DCC: variants seen among roughly 807,000 people sequenced by gnomAD.
DCC encodes the protein DCC netrin 1 receptor.
A neutral mutation model predicts 172.5 loss-of-function variants in DCC; 58 were observed. The observed-to-expected ratio is 0.34, with a 90% CI of 0.27 to 0.42. DCC has a LOEUF of 0.42. Ranked by LOEUF, DCC falls within the 10% of genes least tolerant of loss-of-function variation. DCC has a pLI of 1.00. For missense variants in DCC, 1,740 were observed against 1,791.0 expected, an observed-to-expected ratio of 0.97 and a Z score of 0.51; for synonymous variants, 709 against 644.5, an observed-to-expected ratio of 1.10 and a Z score of -1.52.
chr18:53,194,326 C>T (rs2055411444), intron 9 of DCC, among the ~76,000 whole-genome samples: 1 of 152,042 alleles, frequency 6.6e-6, no homozygotes, highest in South Asian at 2.1e-4. Context: ...ACAAATGAAA[C>T]TCGATGTGGA....
In DCC at chr18:53,127,843, A is replaced by G. The variant is rs138043659; in HGVS notation, c.1262-29513A>G. Among the ~76,000 whole-genome samples, 559 of 152,288 alleles carry G rather than the reference A, an allele frequency of 3.7e-3. 4 individuals are homozygous for G. The highest frequency in any genetic ancestry group is 0.013 in the African/African-American group (540 of 41,576). On this transcript the variant is annotated intron_variant, in intron 7 of 28. Coordinates refer to ENST00000442544, the MANE Select transcript of DCC (RefSeq NM_005215.4). ...TCCCTATAAATCCAAACAGTGTGCC[A>G]TTCAACTGGAACACCAAACTATTCA...
At chr18:52,785,255 G>A (rs28587032) in intron 2 of DCC, among the ~76,000 whole-genome samples, 1 of 152,024 alleles carries the variant, frequency 6.6e-6, no homozygotes, top group Non-Finnish European at 1.5e-5. Context: ...TTTAACATGT[G>A]TAGTCCCTAG....
chr18:52,357,719 G>C (rs1184274410), intron 1 of DCC, among the ~76,000 whole-genome samples: 1 of 152,048 alleles, frequency 6.6e-6, no homozygotes, highest in African/African-American at 2.4e-5. Flanking sequence ...GCCGGATCAT[G>C]AGGTCAGGAG....
At chr18:53,404,837 T>G (rs1909560996) in intron 19 of DCC, among the ~76,000 whole-genome samples, 1 of 152,110 alleles carries the variant, frequency 6.6e-6, no homozygotes, top group Non-Finnish European at 1.5e-5. Context: ...AGAAACTTTG[T>G]CCACACTCTT....
intron 9 of DCC, among the ~76,000 whole-genome samples, chr18:53,203,990 C>T (rs545646378): frequency 1.3e-5 from 2 of 152,242 alleles, no homozygotes; most frequent in East Asian, 1.9e-4. Context: ...GTATCTGAAC[C>T]TGACCTGACC....
intron 5 of DCC, among the ~76,000 whole-genome samples, chr18:52,946,032 T>G (rs1598957914): frequency 6.6e-6 from 1 of 152,176 alleles, no homozygotes; most frequent in Non-Finnish European, 1.5e-5. Context: ...TCCCCTGCCT[T>G]CCTTTGTATT....
chr18:53,240,085 A>G (rs1171364132), intron 12 of DCC, among the ~76,000 whole-genome samples: 1 of 151,250 alleles, frequency 6.6e-6, no homozygotes, highest in Non-Finnish European at 1.5e-5. Context: ...TGTAATATGC[A>G]ATCAAAAGCA....
chr18:52,813,277 A>G (rs1340483147), intron 2 of DCC, among the ~76,000 whole-genome samples: 2 of 120,992 alleles, frequency 1.7e-5, no homozygotes, highest in African/African-American at 6.6e-5. Context: ...ACATTTTTGT[A>G]AAGAATTTGC....
chr18:52,377,825 G>A (rs1321301078), intron 1 of DCC, among the ~76,000 whole-genome samples: 4 of 151,264 alleles, frequency 2.6e-5, no homozygotes, highest in Non-Finnish European at 4.4e-5. Context: ...TCATACCTCA[G>A]CCACCTGAGT....
intron 11 of DCC, among the ~76,000 whole-genome samples, chr18:53,215,149 T>G (rs970036174): frequency 6.6e-6 from 1 of 152,178 alleles, no homozygotes; most frequent in East Asian, 1.9e-4. Context: ...AATTTTATCA[T>G]AAAATTATGC....
intron 1 of DCC, among the ~76,000 whole-genome samples, chr18:52,348,354 A>G (rs1379830577): frequency 1.3e-5 from 2 of 152,168 alleles, no homozygotes; most frequent in Non-Finnish European, 2.9e-5. Flanking sequence ...GGAATTGCTG[A>G]GTCATAGAAG....
At chr18:52,892,729 T>C (rs577135956) in intron 2 of DCC, among the ~76,000 whole-genome samples, 5 of 152,298 alleles carry the variant, frequency 3.3e-5, no homozygotes, top group African/African-American at 9.6e-5. Context: ...AAACAAGTTT[T>C]GATTTTTTCA....
At chr18:53,382,007 G>T (rs961479395) in intron 15 of DCC, among the ~76,000 whole-genome samples, 4 of 149,958 alleles carry the variant, frequency 2.7e-5, no homozygotes, top group Non-Finnish European at 5.9e-5. Flanking sequence ...TGACCTAGTG[G>T]CTCTCATACA....
At chr18:52,813,960 T>TAC (rs1381140445) in intron 2 of DCC, among the ~76,000 whole-genome samples, 1 of 152,220 alleles carries the variant, frequency 6.6e-6, no homozygotes, top group African/African-American at 2.4e-5. Flanking sequence ...GGACTGAAAC[T>TAC]ACACATAGGC....
At chr18:52,969,420 T>G (rs992918468) in intron 5 of DCC, among the ~76,000 whole-genome samples, 1 of 152,072 alleles carries the variant, frequency 6.6e-6, no homozygotes, top group Admixed American at 6.6e-5. Context: ...CTCAGTGTCA[T>G]TCTTTCCCCT....
chr18:53,226,485 G>A (rs1048587071), intron 12 of DCC, among the ~76,000 whole-genome samples: 2 of 152,080 alleles, frequency 1.3e-5, no homozygotes, highest in Admixed American at 6.6e-5. Flanking sequence ...GCACATCAGC[G>A]GGACAGCAGG....
intron 7 of DCC, among the ~76,000 whole-genome samples, chr18:53,152,432 CATT>C (rs1367622727): frequency 1.3e-5 from 2 of 152,098 alleles, no homozygotes; most frequent in Non-Finnish European, 2.9e-5. Context: ...CCAATAGCAT[CATT>C]GTTACCAAGG....
At chr18:53,343,697 C>G (rs1022666587) in intron 15 of DCC, among the ~76,000 whole-genome samples, 8 of 151,750 alleles carry the variant, frequency 5.3e-5, no homozygotes, top group African/African-American at 1.9e-4. Flanking sequence ...GTATTTACTC[C>G]CCTTCTGTTA....
intron 1 of DCC, among the ~76,000 whole-genome samples, chr18:52,707,188 G>A (rs2145047511): frequency 6.6e-6 from 1 of 152,300 alleles, no homozygotes; most frequent in South Asian, 2.1e-4. Context: ...CTACTCCTTT[G>A]AATGTTAAAC....
Sources: gnomAD v4.1 joint callset for allele counts (sites outside exome capture counted in the v4.1 genomes callset) on GRCh38, gnomAD v4.1.1 for gene constraint, MANE v1.5 for transcripts, NCBI Gene and HGNC (gene_info 2026-07-23, HGNC 2026-07-21) for gene names.